Variants in MAN1C1 observed in about 807,000 individuals in gnomAD.
MAN1C1 encodes mannosidase alpha class 1C member 1, also known as mannosyl-oligosaccharide 1,2-alpha-mannosidase IC.
A neutral mutation model predicts 71.5 loss-of-function variants in MAN1C1; 49 were observed. The ratio of observed to expected loss-of-function variants is 0.69; its 90% CI spans 0.54 to 0.87. The LOEUF (loss-of-function observed/expected upper bound fraction) is 0.87, where lower values mean the gene tolerates loss of function less well. Ranked by LOEUF, MAN1C1 falls within the 40% of genes least tolerant of loss-of-function variation. The pLI is 0.00. For synonymous variants in MAN1C1, 352 were observed against 343.7 expected, an observed-to-expected ratio of 1.02 and a Z score of -0.27; for missense variants, 743 against 835.0, an observed-to-expected ratio of 0.89 and a Z score of 1.36.
rs957045683 is a variant in MAN1C1 at position 25,769,878 on chromosome 1, C to G, written c.1142-1779C>G. On this transcript the variant is annotated intron_variant, in intron 7 of 11. Transcript: ENST00000374332. This position sits in a 1 kb window ranked among gnomAD's most constrained non-coding sequence, Gnocchi z 4.8. ...CTGCCGCCGAGGGCTTCAGATGGTGCCTGGCCTTGTTTCACTTAATCCCCG... is the reference window on the plus strand; with the variant it reads ...CTGCCGCCGAGGGCTTCAGATGGTGGCTGGCCTTGTTTCACTTAATCCCCG... 5.3e-5 allele frequency among the ~76,000 whole-genome samples: 8 copies of G among 152,206 alleles called. No individual in the cohort carries two copies. The highest frequency in any genetic ancestry group is 2.0e-4 in the Admixed American group (3 of 15,280).
chr1:25,717,529 A>G (rs922662338), intron 2 of MAN1C1, among the ~76,000 whole-genome samples: 1 of 151,562 alleles, frequency 6.6e-6, no homozygotes, highest in Non-Finnish European at 1.5e-5. Context: ...TTTCAAAAAC[A>G]GAGAATTTGC....
intron 7 of MAN1C1, among the ~76,000 whole-genome samples, chr1:25,768,325 C>A (rs2047483613): frequency 1.8e-5 from 1 of 54,728 alleles, no homozygotes; most frequent in Non-Finnish European, 3.7e-5. Flanking sequence ...TCACGTACAT[C>A]CACACTCCCC....
At position 25,775,081 on chromosome 1, in the gene MAN1C1, G is replaced by A. The variant is rs1214402586; in HGVS notation, c.1258-3024G>A. ...TAATGTGTGGGAGGCGGTCTGGAAG[G>A]TGCAGGTGCCAGGTCTGGTGCGCAG... is the stretch of plus-strand genomic sequence containing the variant. On this transcript the variant is annotated intron_variant, in intron 8 of 11. Transcript: ENST00000374332. This position sits in a 1 kb window ranked among gnomAD's most constrained non-coding sequence, Gnocchi z 5.1. Among the ~76,000 whole-genome samples the A allele has an allele frequency of 6.6e-6, 1 of 152,232 alleles. No homozygotes were observed. Among genetic ancestry groups the A allele is most frequent in the Non-Finnish European group, 1.5e-5 (1 of 68,044 alleles).
chr1:25,715,328 C>A (rs561338791), intron 2 of MAN1C1, among the ~76,000 whole-genome samples: 1 of 152,176 alleles, frequency 6.6e-6, no homozygotes, highest in Non-Finnish European at 1.5e-5. Context: ...GGGGTCAAGG[C>A]AGTTCTACCT....
chr1:25,693,299 G>C (rs559053371), intron 2 of MAN1C1, among the ~76,000 whole-genome samples: 3 of 152,244 alleles, frequency 2.0e-5, no homozygotes, highest in African/African-American at 7.2e-5. Flanking sequence ...AGGAAGTGGG[G>C]GTTGGTCTTC....
chr1:25,690,174 C>T (rs1230191844), intron 2 of MAN1C1, among the ~76,000 whole-genome samples: 1 of 152,162 alleles, frequency 6.6e-6, no homozygotes, highest in Non-Finnish European at 1.5e-5. Flanking sequence ...TTTTTACCCA[C>T]ATCCGGCTCA....
At position 25,763,930 on chromosome 1, in the gene MAN1C1, C is replaced by G; in HGVS notation, c.1104C>G (p.Pro368=). 2 of 1,613,946 alleles carry G rather than the reference C, an allele frequency of 1.2e-6. No individual in the cohort carries two copies. The highest frequency in any genetic ancestry group is 1.7e-6 in the Non-Finnish European group (2 of 1,180,004). The change falls in exon 7 of 12, where the codon CCC becomes CCG. Residue 368 remains proline, a synonymous_variant. Coordinates refer to ENST00000374332, the MANE Select transcript of MAN1C1 (RefSeq NM_020379.4). ...TCGAAAAGCCCTTTGGCCTCTACCC[C>G]AACTTCCTCAGCCCAGTGAGTGGGA... is the stretch of plus-strand genomic sequence containing the variant. ...RKIEKPFGLY[P]NFLSPVSGNW...
intron 6 of MAN1C1, chr1:25,763,642 C>G (rs2047390164): frequency 3.7e-6 from 2 of 533,884 alleles, no homozygotes; most frequent in Non-Finnish European, 6.8e-6. Context: ...GCAGAGCAGT[C>G]AGTGGAGAGG....
chr1:25,698,600 GAGGTAC>G (rs2046397121), intron 2 of MAN1C1, among the ~76,000 whole-genome samples: 1 of 152,152 alleles, frequency 6.6e-6, no homozygotes. Flanking sequence ...CGAGTGCTGT[GAGGTAC>G]AGGCTTACAC....
In MAN1C1 at chr1:25,617,809, G is replaced by GA; in HGVS notation, c.15dup (p.Val6SerfsTer63). ...CCGGCCGGGCCACGATGCTCATGAG[G>GA]AAAGTGCCCGGCTTCGTCCCGGCCT... is the stretch of plus-strand genomic sequence containing the variant. On this transcript the variant is annotated frameshift_variant, in exon 1 of 12. Coordinates refer to ENST00000374332, the MANE Select transcript of MAN1C1 (RefSeq NM_020379.4). LOFTEE classifies it high-confidence loss of function. This position sits in a 1 kb window ranked among gnomAD's most constrained non-coding sequence, Gnocchi z 5.1. The GA allele has an allele frequency of 6.2e-7, 1 of 1,600,258 alleles. No individual in the cohort carries two copies. The highest frequency in any genetic ancestry group is 8.5e-7 in the Non-Finnish European group (1 of 1,175,126).
At chr1:25,734,692 A>T (rs1346923673) in intron 2 of MAN1C1, among the ~76,000 whole-genome samples, 1 of 152,216 alleles carries the variant, frequency 6.6e-6, no homozygotes, top group Non-Finnish European at 1.5e-5. Context: ...ACATAGAGGC[A>T]GTGCAGGGAG....
intron 2 of MAN1C1, among the ~76,000 whole-genome samples, chr1:25,734,463 A>T (rs903017443): frequency 3.9e-5 from 6 of 152,262 alleles, no homozygotes; most frequent in Non-Finnish European, 8.8e-5. Context: ...GATGTGAAAC[A>T]AACAGCACAG....
rs1304808098 is a variant in MAN1C1 at position 25,774,846 on chromosome 1, G to T, written c.1257+3074G>T. ...ATTAAAAAAAAAAAACCCTGGTCTT[G>T]TGCCCCACTTAGCTCCTTGCACCGC... On this transcript the variant is annotated intron_variant, in intron 8 of 11. Coordinates refer to ENST00000374332, the MANE Select transcript of MAN1C1 (RefSeq NM_020379.4). Among the ~76,000 whole-genome samples the T allele has an allele frequency of 2.6e-5, 4 of 150,958 alleles. 1 individual carries two copies. The highest frequency in any genetic ancestry group is 7.3e-5 in the African/African-American group (3 of 41,094).
intron 2 of MAN1C1, among the ~76,000 whole-genome samples, chr1:25,690,233 C>T (rs562889847): frequency 3.3e-5 from 5 of 151,726 alleles, no homozygotes; most frequent in African/African-American, 7.3e-5. Flanking sequence ...CCACCAACAA[C>T]GAGGATGCAG....
Position 25,778,641 on chromosome 1 carries a change from G to A in MAN1C1, c.1477+317G>A, listed in dbSNP as rs755880223. ...ACTTGGCCAAGGTCCCTTGAGAGGGGCACAGAGTAAAGGATCCTCCAGCCC... is the reference window on the plus strand; with the variant it reads ...ACTTGGCCAAGGTCCCTTGAGAGGGACACAGAGTAAAGGATCCTCCAGCCC... On this transcript the variant is annotated intron_variant, in intron 9 of 11. Transcript: ENST00000374332. The surrounding 1 kb of genome is among the most constrained non-coding windows in gnomAD (Gnocchi z 5.5). 4.6e-5 allele frequency among the ~76,000 whole-genome samples: 7 copies of A among 152,162 alleles called. No homozygotes were observed. Among genetic ancestry groups the A allele is most frequent in the Non-Finnish European group, 1.0e-4 (7 of 68,026 alleles).
At chr1:25,659,517 T>G (rs1273182771) in intron 1 of MAN1C1, among the ~76,000 whole-genome samples, 1 of 152,188 alleles carries the variant, frequency 6.6e-6, no homozygotes, top group East Asian at 1.9e-4. Flanking sequence ...TGGGGGAGAT[T>G]ATGGAGCCTA....
At chr1:25,633,427 G>A (rs1417716038) in intron 1 of MAN1C1, among the ~76,000 whole-genome samples, 1 of 151,958 alleles carries the variant, frequency 6.6e-6, no homozygotes. Context: ...AGATCTAGTA[G>A]TAATTGTTTT....
chr1:25,733,143 T>A (rs2046932516), intron 2 of MAN1C1, among the ~76,000 whole-genome samples: 2 of 152,178 alleles, frequency 1.3e-5, no homozygotes, highest in Admixed American at 1.3e-4. Context: ...CCCCCACAGC[T>A]GGGGAGCATC....
chr1:25,623,370 C>T (rs898393922), intron 1 of MAN1C1, among the ~76,000 whole-genome samples: 1 of 152,034 alleles, frequency 6.6e-6, no homozygotes, highest in African/African-American at 2.4e-5. Context: ...ATTCTTAACT[C>T]TGTCTTTAGT....
Sources: allele counts gnomAD v4.1 joint callset (sites outside exome capture counted in the v4.1 genomes callset), GRCh38; gene constraint gnomAD v4.1.1; non-coding constraint Gnocchi (gnomAD v3.1); transcripts MANE v1.5; gene names NCBI Gene and HGNC (gene_info 2026-07-23, HGNC 2026-07-21).